HERC2: variants seen among roughly 807,000 people sequenced by gnomAD.
HERC2 encodes the protein E3 ubiquitin-protein ligase HERC2.
Under a neutral mutation model 537.7 loss-of-function variants are expected in HERC2, and 102 were observed. That is an observed-to-expected ratio of 0.19 (90% CI 0.16 to 0.22). HERC2 has a LOEUF of 0.22. HERC2 is among the 10% of genes least tolerant of loss of function. The pLI is 1.00. For synonymous variants in HERC2, 2,224 were observed against 2,466.2 expected, an observed-to-expected ratio of 0.90 and a Z score of 2.91; for missense variants, 4,236 against 6,198.2, an observed-to-expected ratio of 0.68 and a Z score of 10.63.
chr15:28,165,692 A>AGGGAG (rs1230809339), intron 68 of HERC2, among the ~76,000 whole-genome samples: 40 of 152,206 alleles, frequency 2.6e-4, no homozygotes, highest in Admixed American at 6.5e-4. Context: ...TTGTAGTTCC[A>AGGGAG]GCTACTTGGG....
chr15:28,291,869 T>G (rs76925859), intron 4 of HERC2, among the ~76,000 whole-genome samples: 12,606 of 129,484 alleles, frequency 0.097, 982 homozygotes, highest in East Asian at 0.43. Flanking sequence ...CACGCCACTG[T>G]ACTCCAGCCT....
intron 48 of HERC2, among the ~76,000 whole-genome samples, chr15:28,200,501 C>T (rs914299094): frequency 1.3e-5 from 2 of 152,080 alleles, no homozygotes; most frequent in African/African-American, 2.4e-5. Context: ...GCCTCCAGAA[C>T]CATGAGAAAT....
chr15:28,195,975 T>A (rs1045113938), intron 52 of HERC2, among the ~76,000 whole-genome samples: 1 of 152,228 alleles, frequency 6.6e-6, no homozygotes, highest in South Asian at 2.1e-4. Flanking sequence ...TGTTTCTTTA[T>A]GGAAAAACAA....
chr15:28,177,503 C>G lies in HERC2; in HGVS notation c.9170G>C (p.Arg3057Pro). The change falls in exon 60 of 93, where the codon CGG becomes CCG. Residue 3057 changes from arginine (R) to proline (P), a missense_variant. By Grantham distance (103) the Arg-to-Pro change is moderately radical. Transcript: ENST00000261609. The surrounding 1 kb of genome is among the most constrained non-coding windows in gnomAD (Gnocchi z 5.0). Reference sequence around the variant, plus strand: ...ATCGACAGTTAAAGCCGTCGCGTGCCGGCCACCTGCAACATTCACAGACAC... The same window carrying G: ...ATCGACAGTTAAAGCCGTCGCGTGCGGGCCACCTGCAACATTCACAGACAC... Reference protein sequence around the residue: ...VKKVAVHSGGRHATALTVDGK... With the variant: ...VKKVAVHSGGPHATALTVDGK... 1 of 1,614,184 alleles carries G rather than the reference C, an allele frequency of 6.2e-7. No homozygotes were observed.
rs370502414 is a variant in HERC2, at chr15:28,144,827, G to A, written c.11009-23C>T. On this transcript the variant is annotated intron_variant, in intron 71 of 92. Coordinates refer to ENST00000261609, the MANE Select transcript of HERC2 (RefSeq NM_004667.6). ...GGCCTGCGGGAGGAAAGCGCACCCC[G>A]GGGTTAGCTTCACTCCATCATCCAA... The A allele has an allele frequency of 2.6e-4, 427 of 1,613,626 alleles. 1 individual carries two copies. The highest frequency in any genetic ancestry group is 3.5e-4 in the Non-Finnish European group (412 of 1,179,974).
At chr15:28,170,908 C>T (rs1167330593) in intron 65 of HERC2, among the ~76,000 whole-genome samples, 1 of 151,818 alleles carries the variant, frequency 6.6e-6, no homozygotes. Flanking sequence ...ACATAATTAG[C>T]CATAAGGAAA....
intron 15 of HERC2, among the ~76,000 whole-genome samples, chr15:28,261,260 A>C (rs2075408354): frequency 6.6e-6 from 1 of 152,090 alleles, no homozygotes; most frequent in Non-Finnish European, 1.5e-5. Flanking sequence ...AGTCAGAAAG[A>C]AACAAGGTGC....
At chr15:28,165,786 C>A (rs533221216) in intron 68 of HERC2, among the ~76,000 whole-genome samples, 1 of 152,184 alleles carries the variant, frequency 6.6e-6, no homozygotes, top group South Asian at 2.1e-4. Context: ...GGCAACAGAA[C>A]AAGACCCTGT....
At chr15:28,261,025 G>T (rs1439860373) in intron 15 of HERC2, 55 bp from the exon 16 acceptor site, 5 of 1,361,132 alleles carry the variant, frequency 3.7e-6, no homozygotes, top group Non-Finnish European at 5.1e-6. Context: ...TCCGCTGCAA[G>T]AAAGATATTT....
At chr15:28,245,530 G>T (rs1199027223) in intron 23 of HERC2, among the ~76,000 whole-genome samples, 1 of 144,006 alleles carries the variant, frequency 6.9e-6, no homozygotes, top group African/African-American at 2.6e-5. Flanking sequence ...CTGGGCAACA[G>T]AGCAAGATGT....
chr15:28,283,333 C>T (rs1185734847), intron 4 of HERC2, among the ~76,000 whole-genome samples: 1 of 152,310 alleles, frequency 6.6e-6, no homozygotes, highest in East Asian at 1.9e-4. Flanking sequence ...CCTTAACTAT[C>T]GTGCATTAAC....
At chr15:28,169,418 A>C in intron 66 of HERC2, 66 bp downstream of exon 66, 1 of 1,258,122 alleles carries the variant, frequency 7.9e-7, no homozygotes, top group Non-Finnish European at 1.1e-6. Flanking sequence ...AACGAAAAGA[A>C]AAAAAATCAC....
Position 28,272,270 on chromosome 15 carries a change from C to G in HERC2, c.1028G>C (p.Arg343Thr). The change falls in exon 9 of 93, where the codon AGG (arginine) becomes ACG (threonine). Residue 343 changes from arginine to threonine, a missense_variant. Physicochemically the swap from Arg to Thr is moderately conservative, Grantham distance 71. Coordinates refer to ENST00000261609, the MANE Select transcript of HERC2 (RefSeq NM_004667.6). Reference sequence around the variant, plus strand: ...CTTCCTGCAAATGATGCTCTGGAACCTTTGCAGCAAGGGCAAAAGTGGGGC... The same window carrying G: ...CTTCCTGCAAATGATGCTCTGGAACGTTTGCAGCAAGGGCAAAAGTGGGGC... ...TSAPLLPLLQ[R>T]FQSIICRKDA... The G allele has an allele frequency of 6.2e-7, 1 of 1,612,168 alleles. No homozygotes were observed. Among genetic ancestry groups the G allele is most frequent in the Non-Finnish European group, 8.5e-7 (1 of 1,179,284 alleles).
At chr15:28,296,736 C>A (rs1319810848) in intron 3 of HERC2, among the ~76,000 whole-genome samples, 1 of 147,446 alleles carries the variant, frequency 6.8e-6, no homozygotes, top group Non-Finnish European at 1.5e-5. Context: ...TTGGAAGACA[C>A]TGTCATATGG....
At chr15:28,254,816 G>A (rs1002777781) in intron 19 of HERC2, among the ~76,000 whole-genome samples, 2 of 152,206 alleles carry the variant, frequency 1.3e-5, no homozygotes, top group Non-Finnish European at 2.9e-5. Flanking sequence ...AAAACCCAAT[G>A]TGATGTGCCC....
In HERC2 at chr15:28,141,536, C is replaced by A; in HGVS notation, c.11911G>T (p.Ala3971Ser). ...CAGGGAGTGGGAACTTTGACTTTTGCGCCTTCAATGCCCCCGAGCTGGCCC... is the reference window on the plus strand; with the variant it reads ...CAGGGAGTGGGAACTTTGACTTTTGAGCCTTCAATGCCCCCGAGCTGGCCC... Reference protein sequence around the residue: ...HRGQLGGIEGAKVKVPTPCEA... With the variant: ...HRGQLGGIEGSKVKVPTPCEA... The change falls in exon 78 of 93, where the codon GCA becomes TCA. Residue 3971 changes from alanine (A) to serine (S), a missense_variant. Around this residue, in one of 27 missense-constraint regions of HERC2, gnomAD observed 156 missense variants for 172.3 expected, o/e 0.91. Transcript: ENST00000261609. The A allele has an allele frequency of 6.2e-7, 1 of 1,614,092 alleles. No individual in the cohort carries two copies. Among genetic ancestry groups the A allele is most frequent in the East Asian group, 2.2e-5 (1 of 44,876 alleles).
chr15:28,227,070 T>C (rs892112078), intron 35 of HERC2, among the ~76,000 whole-genome samples: 13 of 152,038 alleles, frequency 8.6e-5, no homozygotes, highest in African/African-American at 2.9e-4. Flanking sequence ...AGGTCAGGAG[T>C]TCCAGACCAG....
chr15:28,182,605 A>C, intron 56 of HERC2, 93 bp from the exon 57 acceptor site: 2 of 948,974 alleles, frequency 2.1e-6, no homozygotes, highest in Non-Finnish European at 3.1e-6. Flanking sequence ...TCAAGCACTC[A>C]AAGTTTTATG....
intron 4 of HERC2, among the ~76,000 whole-genome samples, chr15:28,283,561 C>CT (rs1432117469): frequency 6.6e-6 from 1 of 152,196 alleles, no homozygotes; most frequent in African/African-American, 2.4e-5. Context: ...TGGAAGTTCT[C>CT]TAAGCAGAAT....
Sources: allele counts gnomAD v4.1 joint callset (sites outside exome capture counted in the v4.1 genomes callset), GRCh38; gene constraint gnomAD v4.1.1; regional missense constraint gnomAD v4.1.1; non-coding constraint Gnocchi (gnomAD v3.1); transcripts MANE v1.5; gene names NCBI Gene and HGNC (gene_info 2026-07-23, HGNC 2026-07-21).